The following CCDC25 variants were observed in gnomAD, a reference collection of about 807,000 sequenced individuals.
CCDC25 encodes the protein coiled-coil domain containing 25.
CCDC25 carries 16 observed loss-of-function variants against 35.3 expected under a neutral mutation model. That is an observed-to-expected ratio of 0.45 (90% CI 0.31 to 0.69). CCDC25 has a LOEUF of 0.69. Ranked by LOEUF, CCDC25 falls within the 30% of genes least tolerant of loss-of-function variation. The pLI, the probability that CCDC25 is intolerant of heterozygous loss-of-function variation, is 0.06. For synonymous variants in CCDC25, 79 were observed against 80.3 expected (o/e 0.98, Z 0.09); for missense variants, 179 against 250.7 (o/e 0.71, Z 1.93).
At chr8:27,750,532 G>A (rs946341276) in intron 5 of CCDC25, among the ~76,000 whole-genome samples, 4 of 152,170 alleles carry the variant, frequency 2.6e-5, no homozygotes, top group African/African-American at 9.7e-5. Flanking sequence ...TCTGGACTCT[G>A]ATGACTGACA....
At chr8:27,745,153 C>T (rs139544065) in intron 7 of CCDC25, among the ~76,000 whole-genome samples, 3 of 152,154 alleles carry the variant, frequency 2.0e-5, no homozygotes, top group Non-Finnish European at 2.9e-5. Flanking sequence ...GTACCACCCA[C>T]GCCTGGCTAG....
intron 7 of CCDC25, among the ~76,000 whole-genome samples, chr8:27,744,209 T>C (rs1803530702): frequency 6.6e-6 from 1 of 152,222 alleles, no homozygotes; most frequent in African/African-American, 2.4e-5. Context: ...ATATGAATTA[T>C]GACATATATA....
In CCDC25 at chr8:27,748,169, A is replaced by G. The variant is rs1803668576; in HGVS notation, c.459T>C (p.Arg153=). The part of the protein sequence containing the change: ...DLAAEKECRD[R]EERNEKKAQI... ...GGGCTTTTTTCTCATTCCTCTCTTC[A>G]CGATCTCTGCATTCTTTCTCTGCTG... is the stretch of plus-strand genomic sequence containing the variant. Residue 153 remains arginine (R), a synonymous_variant, in exon 7 of 9, where the codon CGT becomes CGC. Transcript: ENST00000356537. 6.2e-7 allele frequency: 1 copy of G among 1,612,976 alleles called. No individual in the cohort carries two copies. Among genetic ancestry groups the G allele is most frequent in the Non-Finnish European group, 8.5e-7 (1 of 1,179,706 alleles).
rs1256884979 is a variant in CCDC25 at position 27,748,652 on chromosome 8, T to TTCC, written c.245-57_245-55dup. 4 of 1,323,416 alleles carry TTCC rather than the reference T, an allele frequency of 3.0e-6. No homozygotes were observed. The African/African-American group carries it at 5.8e-5, about 19-fold the overall frequency. The allele number at this position is 1,323,416 out of a possible 1,614,324, so 82.0% of individuals were successfully genotyped here. A position where few individuals can be genotyped will look rare whatever the true frequency, so the allele number is the denominator to read the frequency against. ...AGGCAGGATGAGACTGAGCAATGTGTTCCCTTACCCACTGGCAAACTGCCA... is the reference window on the plus strand; with the variant it reads ...AGGCAGGATGAGACTGAGCAATGTGTTCCTCCCTTACCCACTGGCAAACTGCCA... On this transcript the variant is annotated intron_variant, in intron 5 of 8. Coordinates refer to ENST00000356537, the MANE Select transcript of CCDC25 (RefSeq NM_018246.3).
chr8:27,757,031 G>A (rs1353118022), intron 3 of CCDC25, among the ~76,000 whole-genome samples: 1 of 151,900 alleles, frequency 6.6e-6, no homozygotes, highest in East Asian at 1.9e-4. Context: ...TACTGGGAAG[G>A]GTGATTTTTC....
intron 6 of CCDC25, 99 bp from the exon 7 acceptor site, chr8:27,748,378 C>A: frequency 7.5e-7 from 1 of 1,336,682 alleles, no homozygotes; most frequent in Non-Finnish European, 1.1e-6. Context: ...CAGTTTAATT[C>A]CCTTTAGAAA....
chr8:27,768,841 C>A (rs1804491877), intron 1 of CCDC25, among the ~76,000 whole-genome samples: 1 of 152,136 alleles, frequency 6.6e-6, no homozygotes, highest in South Asian at 2.1e-4. Flanking sequence ...ATGATATTAA[C>A]AGGTATTAAA....
intron 1 of CCDC25, among the ~76,000 whole-genome samples, chr8:27,769,630 T>C (rs1804517052): frequency 6.6e-6 from 1 of 152,160 alleles, no homozygotes; most frequent in Non-Finnish European, 1.5e-5. Context: ...TTTAATAATA[T>C]GGGTAAAACA....
At chr8:27,750,522 T>C (rs1173780411) in intron 5 of CCDC25, among the ~76,000 whole-genome samples, 1 of 152,164 alleles carries the variant, frequency 6.6e-6, no homozygotes, top group Non-Finnish European at 1.5e-5. Context: ...TTAGCTTGAA[T>C]CTGGACTCTG....
At position 27,766,985 on chromosome 8, in the gene CCDC25, A is replaced by G. The variant is rs553606384; in HGVS notation, c.29-1734T>C. 1.4e-3 allele frequency among the ~76,000 whole-genome samples: 207 copies of G among 152,330 alleles called. 1 individual carries two copies. Among genetic ancestry groups the G allele is most frequent in the African/African-American group, 4.4e-3 (182 of 41,574 alleles). On this transcript the variant is annotated intron_variant, in intron 1 of 8. Coordinates refer to ENST00000356537, the MANE Select transcript of CCDC25 (RefSeq NM_018246.3). ...TAAGCACATACTTCATATGTATGGAAGCATAAACATTTTTTAACAACAGTT... is the reference window on the plus strand; with the variant it reads ...TAAGCACATACTTCATATGTATGGAGGCATAAACATTTTTTAACAACAGTT...
In CCDC25 at chr8:27,748,215, AC is replaced by A. The variant is rs1345190580; in HGVS notation, c.412del (p.Val138SerfsTer7). ...EILNRLEKTKVERFPDLAAEK... is the reference protein window; with the variant it reads ...EILNRLEKTKXERFPDLAAEK... ...TGCTGCTAGGTCTGGGAACCGCTCG[AC>A]TTTGGTCTTTTCTAATCGGTTCAGG... On this transcript the variant is annotated frameshift_variant, in exon 7 of 9. Transcript: ENST00000356537. LOFTEE classifies it high-confidence loss of function. 3.7e-6 allele frequency: 6 copies of A among 1,613,512 alleles called. No individual in the cohort carries two copies. Among genetic ancestry groups the A allele is most frequent in the Non-Finnish European group, 5.1e-6 (6 of 1,179,880 alleles).
chr8:27,750,139 A>G (rs889303620), intron 5 of CCDC25, among the ~76,000 whole-genome samples: 1 of 152,180 alleles, frequency 6.6e-6, no homozygotes, highest in Admixed American at 6.5e-5. Flanking sequence ...TCAAAAGGAG[A>G]ACTGATCAAA....
chr8:27,747,671 A>G (rs1403571927), intron 7 of CCDC25: 1 of 181,636 alleles, frequency 5.5e-6, no homozygotes, highest in Non-Finnish European at 1.1e-5. Flanking sequence ...AAGAGTTTTA[A>G]AAACAGCTTT....
At chr8:27,758,086 A>G (rs1241683768) in intron 3 of CCDC25, among the ~76,000 whole-genome samples, 1 of 152,168 alleles carries the variant, frequency 6.6e-6, no homozygotes, top group Non-Finnish European at 1.5e-5. Context: ...TTCTTTACAA[A>G]TTACCCAGTC....
At position 27,748,202 on chromosome 8, in the gene CCDC25, T is replaced by C; in HGVS notation, c.426A>G (p.Pro142=). The change falls in exon 7 of 9, where the codon CCA becomes CCG. Residue 142 remains proline (P), a synonymous_variant. Transcript: ENST00000356537. The part of the protein sequence containing the change: ...RLEKTKVERF[P]DLAAEKECRD... Reference sequence around the variant, plus strand: ...TGCATTCTTTCTCTGCTGCTAGGTCTGGGAACCGCTCGACTTTGGTCTTTT... The same window carrying C: ...TGCATTCTTTCTCTGCTGCTAGGTCCGGGAACCGCTCGACTTTGGTCTTTT... 1 of 1,613,992 alleles carries C rather than the reference T, an allele frequency of 6.2e-7. No individual in the cohort carries two copies. The highest frequency in any genetic ancestry group is 1.7e-5 in the Admixed American group (1 of 60,002).
intron 5 of CCDC25, among the ~76,000 whole-genome samples, chr8:27,749,274 G>A (rs1479884860): frequency 2.6e-5 from 4 of 152,040 alleles, no homozygotes; most frequent in Non-Finnish European, 4.4e-5. Context: ...TCTGGAAATC[G>A]CAGTTTAATC....
chr8:27,770,689 A>C (rs180852202), intron 1 of CCDC25, among the ~76,000 whole-genome samples: 4,986 of 151,510 alleles, frequency 0.033, 133 homozygotes, highest in Non-Finnish European at 0.052. Context: ...CAGTGAGCCG[A>C]GATCGTGCCA....
intron 1 of CCDC25, among the ~76,000 whole-genome samples, chr8:27,767,773 C>T (rs576725510): frequency 6.6e-6 from 1 of 152,198 alleles, no homozygotes; most frequent in Non-Finnish European, 1.5e-5. Flanking sequence ...GAAGAGAATG[C>T]CCTTGATTTT....
chr8:27,768,099 C>T (rs1473844492), intron 1 of CCDC25, among the ~76,000 whole-genome samples: 1 of 151,756 alleles, frequency 6.6e-6, no homozygotes, highest in Non-Finnish European at 1.5e-5. Context: ...TCACTTGAGC[C>T]CAAGAAGTTG....
Sources: gnomAD v4.1 joint callset for allele counts (sites outside exome capture counted in the v4.1 genomes callset) on GRCh38, gnomAD v4.1.1 for gene constraint, MANE v1.5 for transcripts, NCBI Gene and HGNC (gene_info 2026-07-23, HGNC 2026-07-21) for gene names.